PRIM2: variants seen among roughly 807,000 people sequenced by gnomAD.
PRIM2 encodes DNA primase large subunit.
In PRIM2, 39 loss-of-function variants were observed where a neutral mutation model predicts 67.3. The ratio of observed to expected loss-of-function variants is 0.58; its 90% confidence interval spans 0.45 to 0.76. The LOEUF (loss-of-function observed/expected upper bound fraction) is 0.76. Ranked by LOEUF, PRIM2 falls within the 30% of genes least tolerant of loss-of-function variation. PRIM2 has a pLI of 0.00. For synonymous variants in PRIM2, 143 were observed against 198.7 expected, an observed-to-expected ratio of 0.72 and a Z score of 2.36; for missense variants, 398 against 598.7, an observed-to-expected ratio of 0.66 and a Z score of 3.50.
At chr6:57,328,390 CT>C (rs1407152347) in intron 5 of PRIM2, among the ~76,000 whole-genome samples, 4 of 152,176 alleles carry the variant, frequency 2.6e-5, no homozygotes, top group Non-Finnish European at 5.9e-5. Flanking sequence ...CACTAACCTG[CT>C]TTCTGTCTCT....
At chr6:57,241,239 G>A in the PRIM2 span, among the ~76,000 whole-genome samples, 14 of 140,042 alleles carry the variant, frequency 1.0e-4, no homozygotes, top group Middle Eastern at 3.6e-3. Context: ...AAAAAAAAAA[G>A]AAAAAAAGAA....
the PRIM2 span, among the ~76,000 whole-genome samples, chr6:57,275,594 C>G: frequency 6.6e-6 from 1 of 152,222 alleles, no homozygotes; most frequent in South Asian, 2.1e-4. Flanking sequence ...TGCCAGGCTG[C>G]TAGAGAAACA....
rs1215124345 is a variant in PRIM2, at chr6:57,588,519, A to T, written c.1021-12574A>T. 2.6e-5 allele frequency among the ~76,000 whole-genome samples: 4 copies of T among 151,330 alleles called. No individual in the cohort carries two copies. The East Asian group carries it at 7.8e-4, about 29-fold the overall frequency. On this transcript the variant is annotated intron_variant, in intron 10 of 13. Transcript: ENST00000615550. Reference sequence around the variant, plus strand: ...GAAAATAGACAATTCTCTGGTGAGGAGGGGGACTTGGGTTTTTCCCTCCTC... The same window carrying T: ...GAAAATAGACAATTCTCTGGTGAGGTGGGGGACTTGGGTTTTTCCCTCCTC...
At chr6:57,400,580 G>A (rs899088884) in intron 7 of PRIM2, among the ~76,000 whole-genome samples, 4 of 151,950 alleles carry the variant, frequency 2.6e-5, no homozygotes, top group African/African-American at 9.7e-5. Context: ...TGTGTCTTGG[G>A]GATGATCTTC....
chr6:57,539,644 GTGTGTGTGTGTGTA>G (rs1345092382), intron 10 of PRIM2, among the ~76,000 whole-genome samples: 36 of 72,480 alleles, frequency 5.0e-4, no homozygotes, highest in African/African-American at 2.3e-3. Flanking sequence ...GTGTGTGTGT[GTGTGTGTGTGTGTA>G]TATATATATA....
chr6:57,307,243 T>A, the PRIM2 span, among the ~76,000 whole-genome samples: 1 of 121,330 alleles, frequency 8.2e-6, no homozygotes, highest in African/African-American at 3.2e-5. Context: ...AAAAAATAAA[T>A]GCTAATTCAA....
chr6:57,327,375 A>G (rs1767901376), intron 5 of PRIM2, among the ~76,000 whole-genome samples: 1 of 152,200 alleles, frequency 6.6e-6, no homozygotes, highest in East Asian at 1.9e-4. Context: ...CAATAGGTGA[A>G]AGACATTGTC....
intron 7 of PRIM2, among the ~76,000 whole-genome samples, chr6:57,420,158 T>C (rs1771419241): frequency 2.0e-5 from 3 of 152,124 alleles, no homozygotes. Flanking sequence ...TAATAATTAG[T>C]CCTGTTTTAG....
chr6:57,434,497 G>C (rs1313626895), intron 7 of PRIM2, among the ~76,000 whole-genome samples: 1 of 151,850 alleles, frequency 6.6e-6, no homozygotes, highest in East Asian at 1.9e-4. Flanking sequence ...ACCAATAATT[G>C]ACAAGTGATG....
intron 10 of PRIM2, among the ~76,000 whole-genome samples, chr6:57,559,135 GA>G (rs1260639270): frequency 0.22 from 27,400 of 123,022 alleles, 2,583 homozygotes; most frequent in South Asian, 0.25. Flanking sequence ...GCGTCTTAAA[GA>G]AAAAAAAAAA....
At chr6:57,473,688 A>G (rs1773393605) in intron 7 of PRIM2, among the ~76,000 whole-genome samples, 1 of 152,160 alleles carries the variant, frequency 6.6e-6, no homozygotes, top group Non-Finnish European at 1.5e-5. Context: ...ACCGGGTTGC[A>G]TTATTTTTTC....
intron 10 of PRIM2, among the ~76,000 whole-genome samples, chr6:57,541,277 C>T (rs1200781816): frequency 1.5e-4 from 23 of 152,060 alleles, no homozygotes; most frequent in Admixed American, 5.9e-4. Context: ...TTAGTTGAGA[C>T]GGGGTTTCAC....
intron 8 of PRIM2, among the ~76,000 whole-genome samples, chr6:57,509,437 T>A (rs1774317301): frequency 6.6e-6 from 1 of 152,236 alleles, no homozygotes. Flanking sequence ...GTATATCTCT[T>A]GCTATCATAG....
chr6:57,625,674 CA>C (rs1776938158), intron 12 of PRIM2, among the ~76,000 whole-genome samples: 1 of 151,968 alleles, frequency 6.6e-6, no homozygotes, highest in Non-Finnish European at 1.5e-5. Flanking sequence ...ATGAAGGCTT[CA>C]AAAATGGAGA....
intron 10 of PRIM2, among the ~76,000 whole-genome samples, chr6:57,555,979 CTCTG>C (rs1233762012): frequency 7.9e-5 from 12 of 152,190 alleles, no homozygotes; most frequent in Non-Finnish European, 1.6e-4. Flanking sequence ...ATTTATTAAA[CTCTG>C]TCTGTATACT....
chr6:57,420,257 C>T (rs1313148262), intron 7 of PRIM2, among the ~76,000 whole-genome samples: 2 of 152,134 alleles, frequency 1.3e-5, no homozygotes, highest in Non-Finnish European at 2.9e-5. Flanking sequence ...GTAATCTCAG[C>T]ACTTTGGGAG....
intron 7 of PRIM2, among the ~76,000 whole-genome samples, chr6:57,422,284 G>A (rs1242455134): frequency 6.7e-6 from 1 of 149,926 alleles, no homozygotes; most frequent in East Asian, 2.0e-4. Context: ...CTCCCAAGTA[G>A]CTGGGATTAC....
intron 10 of PRIM2, among the ~76,000 whole-genome samples, chr6:57,556,628 A>T (rs1354295458): frequency 1.3e-5 from 2 of 152,240 alleles, no homozygotes; most frequent in Non-Finnish European, 2.9e-5. Context: ...CATATAAAAA[A>T]ATCAACTCAA....
intron 7 of PRIM2, among the ~76,000 whole-genome samples, chr6:57,468,204 G>A (rs1562769421): frequency 6.6e-6 from 1 of 152,098 alleles, no homozygotes; most frequent in Non-Finnish European, 1.5e-5. Flanking sequence ...CTTGTCTTGC[G>A]CCGATTTTCA....
Sources: gnomAD v4.1 joint callset for allele counts (sites outside exome capture counted in the v4.1 genomes callset) on GRCh38, gnomAD v4.1.1 for gene constraint, MANE v1.5 for transcripts, NCBI Gene and HGNC (gene_info 2026-07-23, HGNC 2026-07-21) for gene names.